GLI2: variants seen among roughly 807,000 people sequenced by gnomAD.
GLI2 encodes GLI family zinc finger 2.
GLI2 carries 22 observed loss-of-function variants against 78.9 expected under a neutral mutation model. The observed-to-expected ratio is 0.28, with a 90% CI of 0.20 to 0.40. The LOEUF is 0.40. Among genes scored for constraint, GLI2 ranks in the 10% least tolerant of loss-of-function variants. The pLI, the probability that GLI2 is intolerant of heterozygous loss-of-function variation, is 1.00. For missense variants in GLI2, 2,097 were observed against 2,213.2 expected (o/e 0.95, Z 1.05); for synonymous variants, 974 against 963.7 (o/e 1.01, Z -0.20).
intron 1 of GLI2, among the ~76,000 whole-genome samples, chr2:120,795,756 A>G (rs909310899): frequency 4.0e-5 from 6 of 151,840 alleles, no homozygotes; most frequent in African/African-American, 1.5e-4. Flanking sequence ...ACCTTCTTTA[A>G]AACATGTGAC....
At chr2:120,885,004 C>T (rs1223488177) in intron 2 of GLI2, among the ~76,000 whole-genome samples, 1 of 152,196 alleles carries the variant, frequency 6.6e-6, no homozygotes, top group African/African-American at 2.4e-5. Context: ...GCTCCCTCTC[C>T]ATTCATTTCT....
At chr2:120,935,278 C>G (rs975339584) in intron 3 of GLI2, among the ~76,000 whole-genome samples, 3 of 152,224 alleles carry the variant, frequency 2.0e-5, no homozygotes, top group African/African-American at 7.2e-5. Context: ...CTCCAGGGAG[C>G]TCTTCCTTAA....
chr2:120,853,940 A>G (rs1361077726), intron 2 of GLI2, among the ~76,000 whole-genome samples: 1 of 126,086 alleles, frequency 7.9e-6, no homozygotes. Context: ...GTAACAGCCA[A>G]GATGTACAGG....
At chr2:120,892,622 C>T (rs868186832) in intron 2 of GLI2, among the ~76,000 whole-genome samples, 1 of 152,170 alleles carries the variant, frequency 6.6e-6, no homozygotes, top group Non-Finnish European at 1.5e-5. Flanking sequence ...CTTGCTGCTG[C>T]GCTGGTGGCA....
intron 1 of GLI2, chr2:120,792,469 A>C (rs897408221): frequency 6.6e-6 from 1 of 152,272 alleles, no homozygotes; most frequent in Non-Finnish European, 1.5e-5. Context: ...AATGGCTAGC[A>C]TAAGTGGGAC....
In GLI2 at chr2:120,905,932, C is replaced by T. The variant is rs913573926; in HGVS notation, c.149-21429C>T. 9.9e-5 allele frequency among the ~76,000 whole-genome samples: 15 copies of T among 151,530 alleles called. No individual in the cohort carries two copies. The South Asian group carries it at 1.0e-3, about 10-fold the overall frequency. ...GGTGGTCAGTGCACTCAGCTTATCC[C>T]GTCCCCTGCCCGTCGTTGGGCTCCG... On this transcript the variant is annotated intron_variant, in intron 2 of 13. Transcript: ENST00000361492.
At chr2:120,963,396 G>A (rs1006997629) in intron 5 of GLI2, among the ~76,000 whole-genome samples, 2 of 152,240 alleles carry the variant, frequency 1.3e-5, no homozygotes, top group South Asian at 2.1e-4. Flanking sequence ...AAAGTGACAG[G>A]CTTGACAGGG....
At chr2:120,954,092 A>G (rs1681122425) in intron 4 of GLI2, among the ~76,000 whole-genome samples, 1 of 152,190 alleles carries the variant, frequency 6.6e-6, no homozygotes, top group Admixed American at 6.5e-5. Flanking sequence ...CCCTTGGGCT[A>G]CTAAGTGACC....
In GLI2 at chr2:120,875,279, G is replaced by A. The variant is rs76126894; in HGVS notation, c.149-52082G>A. ...TTGGCTCTGGGTGCTAACAGGCACA[G>A]TGTGGACAAAGGAGCCTGGAAAAGT... On this transcript the variant is annotated intron_variant, in intron 2 of 13. Coordinates refer to ENST00000361492, the MANE Select transcript of GLI2 (RefSeq NM_001374353.1). 9.6e-3 allele frequency among the ~76,000 whole-genome samples: 1,457 copies of A among 152,364 alleles called. 23 individuals are homozygous for A. The highest frequency in any genetic ancestry group is 0.033 in the African/African-American group (1,358 of 41,586).
At chr2:120,867,126 T>G (rs1348764030) in intron 2 of GLI2, 1 of 152,288 alleles carries the variant, frequency 6.6e-6, no homozygotes, top group Non-Finnish European at 1.5e-5. Context: ...GGCTGCCTAG[T>G]CCACATGGCC....
In GLI2 at chr2:120,959,694, C is replaced by T. The variant is rs189201285; in HGVS notation, c.643+4264C>T. On this transcript the variant is annotated intron_variant, in intron 5 of 13. Coordinates refer to ENST00000361492, the MANE Select transcript of GLI2 (RefSeq NM_001374353.1). ...GGGTGTCCCCCGGCCCCTCCCCTCC[C>T]GTGAACCATGGGAGCTGGGGAGGTG... Among the ~76,000 whole-genome samples, 5 of 152,152 alleles carry T rather than the reference C, an allele frequency of 3.3e-5. No homozygotes were observed. In the East Asian group the frequency reaches 5.8e-4, roughly 18 times the overall value.
chr2:120,824,704 T>C (rs1171778763), intron 2 of GLI2, among the ~76,000 whole-genome samples: 3 of 152,236 alleles, frequency 2.0e-5, no homozygotes. Flanking sequence ...TGTAAGCCTG[T>C]CCTGAGGGCC....
In GLI2 at chr2:120,987,743, C is replaced by T. The variant is rs542524575; in HGVS notation, c.2243-465C>T. 9.2e-5 allele frequency among the ~76,000 whole-genome samples: 14 copies of T among 152,318 alleles called. No homozygotes were observed. The East Asian group carries it at 2.7e-3, about 29-fold the overall frequency. On this transcript the variant is annotated intron_variant, in intron 13 of 13. Transcript: ENST00000361492. ...GCTGCTCATCCCCTCCTCTGCGTAA[C>T]TCAGTCCTACGGAGAGGCACATTTA...
At chr2:120,747,771 C>G (rs1682736272) in intron 1 of GLI2, among the ~76,000 whole-genome samples, 1 of 152,242 alleles carries the variant, frequency 6.6e-6, no homozygotes, top group African/African-American at 2.4e-5. Context: ...GACTCTGCCA[C>G]TGGGGCTTCC....
At chr2:120,903,287 C>T (rs1006217229) in intron 2 of GLI2, among the ~76,000 whole-genome samples, 10 of 151,768 alleles carry the variant, frequency 6.6e-5, no homozygotes, top group East Asian at 1.9e-4. Context: ...ACCCAGGAGG[C>T]GAAGGTTGCA....
intron 1 of GLI2, among the ~76,000 whole-genome samples, chr2:120,768,721 C>T (rs1390368875): frequency 1.3e-5 from 2 of 152,110 alleles, no homozygotes; most frequent in Non-Finnish European, 2.9e-5. Context: ...AGCCCTGGAA[C>T]TTGCTAAGAC....
chr2:120,847,832 A>C (rs1383602213), intron 2 of GLI2, among the ~76,000 whole-genome samples: 4 of 151,914 alleles, frequency 2.6e-5, no homozygotes, highest in African/African-American at 4.8e-5. Flanking sequence ...CCCAGCGTGG[A>C]GCCTACGACT....
At chr2:120,809,850 C>T (rs941463832) in intron 2 of GLI2, among the ~76,000 whole-genome samples, 8 of 152,134 alleles carry the variant, frequency 5.3e-5, no homozygotes, top group African/African-American at 1.7e-4. Context: ...AGTAAATCAC[C>T]GAGAAAGAGC....
intron 2 of GLI2, among the ~76,000 whole-genome samples, chr2:120,857,256 T>C (rs1687687701): frequency 6.6e-6 from 1 of 151,926 alleles, no homozygotes; most frequent in Non-Finnish European, 1.5e-5. Context: ...GGAGGAAATA[T>C]CCTGACTAGA....
Sources: gnomAD v4.1 joint callset for allele counts (sites outside exome capture counted in the v4.1 genomes callset) on GRCh38, gnomAD v4.1.1 for gene constraint, MANE v1.5 for transcripts, NCBI Gene and HGNC (gene_info 2026-07-23, HGNC 2026-07-21) for gene names.